The following CUBN variants were observed in gnomAD, a reference collection of about 807,000 sequenced individuals.
CUBN encodes 460 kDa receptor.
A neutral mutation model predicts 405.3 loss-of-function variants in CUBN; 282 were observed. The ratio of observed to expected loss-of-function variants is 0.70; its 90% CI spans 0.63 to 0.77. The LOEUF is 0.77. Ranked by LOEUF, CUBN falls within the 30% of genes least tolerant of loss-of-function variation. The pLI, the probability that CUBN is intolerant of heterozygous loss-of-function variation, is 0.00. For synonymous variants in CUBN, 1,684 were observed against 1,617.0 expected (o/e 1.04, Z -0.99); for missense variants, 4,514 against 4,475.2 (o/e 1.01, Z -0.25).
At chr10:16,939,765 G>A (rs751035466) in intron 37 of CUBN, among the ~76,000 whole-genome samples, 23 of 150,794 alleles carry the variant, frequency 1.5e-4, no homozygotes, top group Non-Finnish European at 3.2e-4. Flanking sequence ...CTAACACAAC[G>A]TCATGAAAAA....
At chr10:16,834,312 A>G (rs1839102046) in intron 64 of CUBN, among the ~76,000 whole-genome samples, 1 of 151,594 alleles carries the variant, frequency 6.6e-6, no homozygotes, top group African/African-American at 2.4e-5. Context: ...GCACTGGAGG[A>G]CCCCAAAGTT....
At chr10:16,998,273 G>T (rs1292050149) in intron 28 of CUBN, among the ~76,000 whole-genome samples, 1 of 152,102 alleles carries the variant, frequency 6.6e-6, no homozygotes, top group Non-Finnish European at 1.5e-5. Context: ...GATTGGGGTG[G>T]AACTGAAATC....
chr10:16,831,818 T>C (rs1195206949), intron 64 of CUBN, among the ~76,000 whole-genome samples: 2 of 151,130 alleles, frequency 1.3e-5, no homozygotes, highest in Non-Finnish European at 2.9e-5. Flanking sequence ...CAGTCAACTA[T>C]TACACCTTTC....
At chr10:16,902,602 TAATC>T (rs923934341) in intron 51 of CUBN, among the ~76,000 whole-genome samples, 5 of 152,068 alleles carry the variant, frequency 3.3e-5, no homozygotes, top group African/African-American at 1.2e-4. Context: ...AGTGAGTAGA[TAATC>T]AATTTCACTC....
chr10:16,984,158 T>C lies in CUBN; in HGVS notation c.4472A>G (p.Asp1491Gly), dbSNP rs1064795523. Residue 1491 changes from aspartate to glycine, a missense_variant, in exon 30 of 67, where the codon GAC becomes GGC. This residue lies in a region of CUBN where 1,613 missense variants were observed against 1,542.8 expected (regional missense o/e 1.05). Transcript: ENST00000377833. ...GNELAIRFKT[D>G]LSINGRGFNA... is the part of the protein sequence containing the mutation. The stretch of plus-strand genomic sequence containing the variant: ...GAAGCCTCTCCCATTTATGGACAAG[T>C]CGGTCTTGAATCGAATTGCTAGCTC... 1 of 1,614,158 alleles carries C rather than the reference T, an allele frequency of 6.2e-7. No individual in the cohort carries two copies. The highest frequency in any genetic ancestry group is 1.7e-5 in the Admixed American group (1 of 60,016).
intron 28 of CUBN, among the ~76,000 whole-genome samples, chr10:17,008,864 T>A (rs1279634928): frequency 1.3e-5 from 2 of 152,116 alleles, no homozygotes; most frequent in Admixed American, 6.6e-5. Context: ...TCACTCTGTG[T>A]CCCCCGTCTC....
Position 16,920,057 on chromosome 10 carries a change from G to C in CUBN, c.6727C>G (p.Pro2243Ala). The change falls in exon 44 of 67, where the codon CCG (proline) becomes GCG (alanine). Residue 2243 changes from proline (P) to alanine (A), a missense_variant. This residue lies in a region of CUBN where 1,613 missense variants were observed against 1,542.8 expected (regional missense o/e 1.05). Coordinates refer to ENST00000377833, the MANE Select transcript of CUBN (RefSeq NM_001081.4). ...TSPNHPHNYP[P>A]HADCIWILAA... ...AAGATCCAAATGCAATCAGCGTGCG[G>C]GGGATAATTATGAGGGTGGTTGGGG... 1 of 1,614,052 alleles carries C rather than the reference G, an allele frequency of 6.2e-7. No homozygotes were observed. The highest frequency in any genetic ancestry group is 8.5e-7 in the Non-Finnish European group (1 of 1,179,994).
At chr10:16,973,662 C>T (rs145138677) in intron 31 of CUBN, among the ~76,000 whole-genome samples, 2 of 152,266 alleles carry the variant, frequency 1.3e-5, no homozygotes, top group East Asian at 3.9e-4. Context: ...CTCAAGTAGG[C>T]CCTGGCGCCT....
chr10:17,114,005 G>C, intron 8 of CUBN, 22 bp downstream of exon 8: 1 of 1,609,592 alleles, frequency 6.2e-7, no homozygotes, highest in African/African-American at 1.3e-5. Flanking sequence ...GCAGAGCCTG[G>C]CTTGTGGCCC....
chr10:16,839,994 C>T (rs1423823403), intron 62 of CUBN, among the ~76,000 whole-genome samples: 1 of 148,196 alleles, frequency 6.7e-6, no homozygotes, highest in Non-Finnish European at 1.5e-5. Flanking sequence ...CATATTCTCA[C>T]TCATAGGTGG....
chr10:17,016,823 G>C (rs1834340853), intron 28 of CUBN, among the ~76,000 whole-genome samples: 1 of 152,212 alleles, frequency 6.6e-6, no homozygotes, highest in Admixed American at 6.5e-5. Context: ...AGGTCCTCCT[G>C]TGGGATGTAA....
chr10:16,885,965 G>C (rs1042093307), intron 56 of CUBN, among the ~76,000 whole-genome samples: 3 of 152,152 alleles, frequency 2.0e-5, no homozygotes, highest in African/African-American at 2.4e-5. Flanking sequence ...TTAATGTACT[G>C]GTTAATAGCC....
intron 14 of CUBN, among the ~76,000 whole-genome samples, chr10:17,098,260 G>A (rs990448977): frequency 8.5e-5 from 13 of 152,102 alleles, no homozygotes; most frequent in Admixed American, 2.0e-4. Flanking sequence ...GCTGACACCC[G>A]CTTATAACTG....
intron 28 of CUBN, among the ~76,000 whole-genome samples, chr10:17,006,114 T>G (rs1588573377): frequency 6.6e-6 from 1 of 152,330 alleles, no homozygotes; most frequent in Admixed American, 6.5e-5. Context: ...ACACTTCTGC[T>G]GCTTAAGCCT....
chr10:16,923,165 C>T (rs1292143509), intron 43 of CUBN, among the ~76,000 whole-genome samples: 1 of 151,884 alleles, frequency 6.6e-6, no homozygotes, highest in Non-Finnish European at 1.5e-5. Context: ...TGTGCCTTTG[C>T]TTGTCTGTCT....
intron 28 of CUBN, among the ~76,000 whole-genome samples, chr10:16,991,557 C>T (rs182446473): frequency 6.6e-6 from 1 of 151,500 alleles, no homozygotes; most frequent in East Asian, 1.9e-4. Flanking sequence ...AAGAAATTAT[C>T]TTGTTTTCCA....
At chr10:16,844,446 C>A (rs1391040827) in intron 60 of CUBN, among the ~76,000 whole-genome samples, 1 of 147,848 alleles carries the variant, frequency 6.8e-6, no homozygotes, top group African/African-American at 2.4e-5. Flanking sequence ...CGAAGTCCAA[C>A]AAACAAAGCT....
chr10:16,904,016 G>C lies in CUBN; in HGVS notation c.8012C>G (p.Thr2671Ser). Residue 2671 changes from threonine (T) to serine (S), a missense_variant, in exon 51 of 67, where the codon ACC (threonine) becomes AGC (serine). Transcript: ENST00000377833. ...PYSQVWIHFV[T>S]NERVEHIGFH... ...TCCAATGTGTTCTACACGTTCGTTG[G>C]TGACAAAGTGAATCCATACCTGAGA... is the stretch of plus-strand genomic sequence containing the variant. 1 of 1,613,426 alleles carries C rather than the reference G, an allele frequency of 6.2e-7. No individual in the cohort carries two copies. Among genetic ancestry groups the C allele is most frequent in the Non-Finnish European group, 8.5e-7 (1 of 1,179,454 alleles).
chr10:16,867,405 A>G (rs1840219224), intron 59 of CUBN, among the ~76,000 whole-genome samples: 1 of 152,212 alleles, frequency 6.6e-6, no homozygotes, highest in South Asian at 2.1e-4. Context: ...CAAACAATAA[A>G]AACCAAAATG....
Sources: gnomAD v4.1 joint callset for allele counts (sites outside exome capture counted in the v4.1 genomes callset) on GRCh38, gnomAD v4.1.1 for gene constraint, gnomAD v4.1.1 regional missense constraint, MANE v1.5 for transcripts, NCBI Gene and HGNC (gene_info 2026-07-23, HGNC 2026-07-21) for gene names.